SMIM45: variants seen among roughly 807,000 people sequenced by gnomAD.
The protein encoded by SMIM45 is small integral membrane protein 45, also known as long intergenic non-protein coding RNA 634.
chr22:41,947,178 A>T, the SMIM45 span: 1 of 1,124,298 alleles, frequency 8.9e-7, no homozygotes, highest in Non-Finnish European at 1.3e-6. Flanking sequence ...GTGCCTCCTT[A>T]TAGGCGGGGC....
the SMIM45 span, among the ~76,000 whole-genome samples, chr22:41,953,384 C>T: frequency 2.6e-5 from 4 of 152,226 alleles, no homozygotes; most frequent in East Asian, 7.7e-4. Context: ...GCAAGGTGGG[C>T]ATCTGCTCAT....
the SMIM45 span, among the ~76,000 whole-genome samples, chr22:41,957,189 T>TC: frequency 8.6e-6 from 1 of 116,796 alleles, no homozygotes; most frequent in Non-Finnish European, 1.7e-5. Flanking sequence ...GTCTTTTTTT[T>TC]TTTTTTTTTT....
At chr22:41,947,241 C>A in the SMIM45 span, 1 of 627,330 alleles carries the variant, frequency 1.6e-6, no homozygotes, top group Non-Finnish European at 2.8e-6. Flanking sequence ...ATCTCCTTTT[C>A]TGAGGGGCGT....
At chr22:41,949,684 G>A in the SMIM45 span, among the ~76,000 whole-genome samples, 1 of 152,082 alleles carries the variant, frequency 6.6e-6, no homozygotes, top group Non-Finnish European at 1.5e-5. Flanking sequence ...GGTCCCAGAG[G>A]GGCCAAACTG....
chr22:41,957,486 C>T, the SMIM45 span, among the ~76,000 whole-genome samples: 1 of 152,030 alleles, frequency 6.6e-6, no homozygotes, highest in Non-Finnish European at 1.5e-5. Flanking sequence ...CAGGCGTGAG[C>T]CACCGCGCCC....
the SMIM45 span, chr22:41,947,182 G>A: frequency 4.0e-6 from 4 of 1,007,074 alleles, no homozygotes; most frequent in Admixed American, 8.2e-5. Flanking sequence ...CTCCTTATAG[G>A]CGGGGCTTCG....
chr22:41,950,715 G>A, the SMIM45 span, among the ~76,000 whole-genome samples: 8 of 149,778 alleles, frequency 5.3e-5, no homozygotes, highest in African/African-American at 2.0e-4. Flanking sequence ...AAAGCAAAAG[G>A]CCAGGCGCAG....
chr22:41,957,308 G>A, the SMIM45 span, among the ~76,000 whole-genome samples: 1 of 147,860 alleles, frequency 6.8e-6, no homozygotes, highest in Non-Finnish European at 1.5e-5. Context: ...ATTCTCCTGC[G>A]TCAGCCTCCG....
chr22:41,949,718 C>A, the SMIM45 span, among the ~76,000 whole-genome samples: 1 of 152,180 alleles, frequency 6.6e-6, no homozygotes, highest in Non-Finnish European at 1.5e-5. Context: ...CCACTTGTAA[C>A]AAGAGACAAG....
the SMIM45 span, chr22:41,947,044 G>A: frequency 6.2e-7 from 1 of 1,612,934 alleles, no homozygotes; most frequent in Non-Finnish European, 8.5e-7. Context: ...TGTTCAGGCC[G>A]GGCAGCTTGT....
the SMIM45 span, among the ~76,000 whole-genome samples, chr22:41,955,081 C>T: frequency 6.6e-6 from 1 of 152,214 alleles, no homozygotes. Context: ...CTTCCACTTT[C>T]CTGCCTTCTC....
At chr22:41,957,085 A>G in the SMIM45 span, among the ~76,000 whole-genome samples, 1 of 148,902 alleles carries the variant, frequency 6.7e-6, no homozygotes, top group Non-Finnish European at 1.5e-5. Flanking sequence ...CCAGCCTAAG[A>G]CTCCTTAAAG....
chr22:41,948,175 G>C, the SMIM45 span, among the ~76,000 whole-genome samples: 3 of 152,312 alleles, frequency 2.0e-5, no homozygotes, highest in African/African-American at 4.8e-5. Context: ...TAAGAAACAA[G>C]AGGTTAGAGA....
chr22:41,957,888 T>G, the SMIM45 span: 1 of 159,474 alleles, frequency 6.3e-6, no homozygotes, highest in Non-Finnish European at 1.4e-5. Flanking sequence ...GGCCCGGAGG[T>G]CTGAGCCGAC....
At chr22:41,958,431 G>A in the SMIM45 span, 3 of 455,992 alleles carry the variant, frequency 6.6e-6, no homozygotes, top group Non-Finnish European at 1.3e-5. Context: ...GTGAGGGTGT[G>A]TGGTGGGGGT....
At chr22:41,958,383 A>G in the SMIM45 span, 34 of 456,596 alleles carry the variant, frequency 7.4e-5, 1 homozygote, top group Middle Eastern at 3.3e-4. Context: ...AGCTTGGGCC[A>G]GACCAGCCGC....
the SMIM45 span, among the ~76,000 whole-genome samples, chr22:41,954,939 G>T: frequency 6.6e-6 from 1 of 152,092 alleles, no homozygotes; most frequent in East Asian, 1.9e-4. Flanking sequence ...TGAAGGTGGA[G>T]CTTGCGGTGA....
the SMIM45 span, among the ~76,000 whole-genome samples, chr22:41,953,855 A>AT: frequency 2.1e-5 from 3 of 142,464 alleles, no homozygotes; most frequent in Non-Finnish European, 4.5e-5. Flanking sequence ...GGTTCACGCC[A>AT]TTCTCCTGCC....
At chr22:41,952,146 G>T in the SMIM45 span, 1 of 152,778 alleles carries the variant, frequency 6.5e-6, no homozygotes, top group East Asian at 1.9e-4. Flanking sequence ...CTAGGGGGAA[G>T]GGTCTCTGAT....
Sources: allele counts gnomAD v4.1 joint callset (sites outside exome capture counted in the v4.1 genomes callset), GRCh38; gene constraint gnomAD v4.1.1; transcripts MANE v1.5; gene names NCBI Gene and HGNC (gene_info 2026-07-23, HGNC 2026-07-21).